Variants in SWT1 observed in about 807,000 individuals in gnomAD.
The protein encoded by SWT1 is SWT1 RNA endoribonuclease homolog.
SWT1 carries 33 observed loss-of-function variants against 107.3 expected under a neutral mutation model. That is an observed-to-expected ratio of 0.31 (90% confidence interval 0.23 to 0.41). SWT1 has a LOEUF of 0.41. SWT1 is among the 10% of genes least tolerant of loss of function. The pLI, the probability that SWT1 is intolerant of heterozygous loss-of-function variation, is 1.00. For synonymous variants in SWT1, 345 were observed against 348.3 expected (o/e 0.99, Z 0.11); for missense variants, 898 against 1,028.9 (o/e 0.87, Z 1.74).
intron 10 of SWT1, among the ~76,000 whole-genome samples, chr1:185,195,753 G>A (rs1280099925): frequency 1.3e-5 from 2 of 152,224 alleles, no homozygotes; most frequent in Non-Finnish European, 2.9e-5. Flanking sequence ...GACCAGTAAT[G>A]ATGAGCCTTT....
chr1:185,170,461 G>A (rs1654951054), intron 4 of SWT1, among the ~76,000 whole-genome samples: 1 of 152,064 alleles, frequency 6.6e-6, no homozygotes, highest in Non-Finnish European at 1.5e-5. Flanking sequence ...TGTTCCCTGG[G>A]TACCTCATGT....
intron 16 of SWT1, chr1:185,257,930 G>C (rs1454112566): frequency 6.6e-6 from 1 of 152,126 alleles, no homozygotes; most frequent in African/African-American, 2.4e-5. Flanking sequence ...GTCAAGTGAA[G>C]CAGTGGGAGT....
intron 16 of SWT1, among the ~76,000 whole-genome samples, chr1:185,263,029 C>T (rs1287153985): frequency 6.6e-6 from 1 of 152,032 alleles, no homozygotes; most frequent in Non-Finnish European, 1.5e-5. Flanking sequence ...TCAAGTGATT[C>T]ACCCGCCTCA....
intron 16 of SWT1, among the ~76,000 whole-genome samples, chr1:185,258,254 C>T (rs1662762915): frequency 6.6e-6 from 1 of 152,114 alleles, no homozygotes; most frequent in Non-Finnish European, 1.5e-5. Context: ...GATCTTAGAA[C>T]ACTTTGAGTT....
chr1:185,241,690 G>C (rs1278890243), intron 16 of SWT1, among the ~76,000 whole-genome samples: 1 of 152,148 alleles, frequency 6.6e-6, no homozygotes, highest in Non-Finnish European at 1.5e-5. Context: ...TAGATGGTCA[G>C]TAAGTGATTA....
At chr1:185,227,546 T>C (rs1660164957) in intron 15 of SWT1, 5 of 523,958 alleles carry the variant, frequency 9.5e-6, no homozygotes, top group Non-Finnish European at 1.8e-5. Context: ...ACATGAACTG[T>C]CATCCTGTAT....
At chr1:185,221,461 C>T (rs577514534) in intron 14 of SWT1, among the ~76,000 whole-genome samples, 15 of 152,046 alleles carry the variant, frequency 9.9e-5, no homozygotes, top group Non-Finnish European at 1.9e-4. Flanking sequence ...TTAAACAACA[C>T]TTTGCAGCCC....
At chr1:185,261,116 A>C (rs1265116602) in intron 16 of SWT1, among the ~76,000 whole-genome samples, 2 of 152,124 alleles carry the variant, frequency 1.3e-5, no homozygotes, top group Non-Finnish European at 2.9e-5. Flanking sequence ...ACCACTATCT[A>C]TCCACAGAAT....
intron 18 of SWT1, 48 bp from the exon 19 acceptor site, chr1:185,290,626 T>A: frequency 7.1e-7 from 1 of 1,404,004 alleles, no homozygotes; most frequent in Non-Finnish European, 9.4e-7. Flanking sequence ...AATTTTTATT[T>A]CTCTGACTAG....
At chr1:185,223,230 G>GT (rs1659806859) in intron 15 of SWT1, among the ~76,000 whole-genome samples, 2 of 151,982 alleles carry the variant, frequency 1.3e-5, no homozygotes, top group Non-Finnish European at 2.9e-5. Context: ...TTGTTTGTTG[G>GT]TTTTTTTGAG....
At chr1:185,157,897 C>A (rs556540100) in intron 1 of SWT1, among the ~76,000 whole-genome samples, 2 of 152,288 alleles carry the variant, frequency 1.3e-5, no homozygotes, top group South Asian at 4.1e-4. Context: ...CCGTACTTCT[C>A]TCCCCTTCAC....
At chr1:185,254,596 G>T (rs1205699972) in intron 16 of SWT1, among the ~76,000 whole-genome samples, 1 of 151,004 alleles carries the variant, frequency 6.6e-6, no homozygotes, top group African/African-American at 2.4e-5. Context: ...TCTGATGGTA[G>T]TTTGTATTTC....
chr1:185,191,370 C>A (rs1656934382), intron 10 of SWT1, among the ~76,000 whole-genome samples: 1 of 151,966 alleles, frequency 6.6e-6, no homozygotes, highest in Non-Finnish European at 1.5e-5. Context: ...GACAGAAGAG[C>A]AATTTTAATT....
chr1:185,186,905 C>T (rs1402978513), intron 9 of SWT1, among the ~76,000 whole-genome samples: 1 of 151,568 alleles, frequency 6.6e-6, no homozygotes, highest in African/African-American at 2.4e-5. Context: ...CAGGTGTGCC[C>T]CACCATGCCT....
chr1:185,248,718 G>C (rs1455970107), intron 16 of SWT1, among the ~76,000 whole-genome samples: 2 of 146,866 alleles, frequency 1.4e-5, no homozygotes, highest in Admixed American at 6.9e-5. Context: ...ACTACATGCA[G>C]TAGAACTTTC....
intron 16 of SWT1, among the ~76,000 whole-genome samples, chr1:185,242,437 T>A (rs1173545091): frequency 6.6e-6 from 1 of 152,138 alleles, no homozygotes; most frequent in East Asian, 1.9e-4. Context: ...CTTATCTGTG[T>A]TTCCCAGCAT....
chr1:185,181,236 T>G (rs969596804), intron 6 of SWT1, among the ~76,000 whole-genome samples: 1 of 152,164 alleles, frequency 6.6e-6, no homozygotes, highest in Non-Finnish European at 1.5e-5. Flanking sequence ...CCACTGCACT[T>G]CAGCCTGGCT....
intron 18 of SWT1, among the ~76,000 whole-genome samples, chr1:185,287,742 C>T (rs544491392): frequency 9.8e-5 from 15 of 152,294 alleles, no homozygotes; most frequent in East Asian, 3.9e-4. Flanking sequence ...ATGCCTATCA[C>T]CATGATCTAA....
rs111547692 is a variant in SWT1 at position 185,267,798 on chromosome 1, G to T, written c.2442-3525G>T. Among the ~76,000 whole-genome samples, 1,317 of 152,186 alleles carry T rather than the reference G, an allele frequency of 8.7e-3. 17 individuals are homozygous for T. The highest frequency in any genetic ancestry group is 0.028 in the African/African-American group (1,183 of 41,516). On this transcript the variant is annotated intron_variant, in intron 16 of 18. Coordinates refer to ENST00000367500, the MANE Select transcript of SWT1 (RefSeq NM_017673.7). ...GATTCCATCATTCTTTTAAAGAGTTGCCATTGAAGGGTGATTTTAGGACTT... is the reference window on the plus strand; with the variant it reads ...GATTCCATCATTCTTTTAAAGAGTTTCCATTGAAGGGTGATTTTAGGACTT...
Sources: allele counts gnomAD v4.1 joint callset (sites outside exome capture counted in the v4.1 genomes callset), GRCh38; gene constraint gnomAD v4.1.1; transcripts MANE v1.5; gene names NCBI Gene and HGNC (gene_info 2026-07-23, HGNC 2026-07-21).